The following BRINP1 variants were observed in gnomAD, a reference collection of about 807,000 sequenced individuals.
The protein encoded by BRINP1 is BMP/retinoic acid-inducible neural-specific protein 1.
A neutral mutation model predicts 72.9 loss-of-function variants in BRINP1; 17 were observed. That is an observed-to-expected ratio of 0.23 (90% confidence interval 0.16 to 0.35). The LOEUF (loss-of-function observed/expected upper bound fraction) is 0.35, where lower values mean the gene tolerates loss of function less well. BRINP1 is among the 10% of genes least tolerant of loss of function. The probability of loss-of-function intolerance (pLI) is 1.00; values close to 1 mark genes in which losing one functional copy is unlikely to be tolerated. For synonymous variants in BRINP1, 418 were observed against 378.5 expected, an observed-to-expected ratio of 1.10 and a Z score of -1.21; for missense variants, 850 against 1,001.6, an observed-to-expected ratio of 0.85 and a Z score of 2.04.
intron 2 of BRINP1, among the ~76,000 whole-genome samples, chr9:119,281,029 G>C (rs1487296735): frequency 6.6e-6 from 1 of 152,150 alleles, no homozygotes; most frequent in Non-Finnish European, 1.5e-5. Context: ...CAGAGGTACA[G>C]GAAAGGCAGA....
intron 2 of BRINP1, among the ~76,000 whole-genome samples, chr9:119,286,184 T>C (rs1216608647): frequency 6.6e-6 from 1 of 152,122 alleles, no homozygotes; most frequent in Non-Finnish European, 1.5e-5. Flanking sequence ...CTATGAACAA[T>C]ATATGATCTG....
At chr9:119,185,200 C>A (rs994144635) in intron 7 of BRINP1, among the ~76,000 whole-genome samples, 2 of 152,160 alleles carry the variant, frequency 1.3e-5, no homozygotes, top group African/African-American at 4.8e-5. Flanking sequence ...AGTACCCACA[C>A]TATCTATACC....
At chr9:119,190,421 A>G (rs1470229270) in intron 7 of BRINP1, among the ~76,000 whole-genome samples, 1 of 151,706 alleles carries the variant, frequency 6.6e-6, no homozygotes, top group Non-Finnish European at 1.5e-5. Flanking sequence ...CTAAAAAAAA[A>G]AAAAATAAGG....
intron 2 of BRINP1, among the ~76,000 whole-genome samples, chr9:119,270,598 A>C (rs1830596781): frequency 6.6e-6 from 1 of 152,226 alleles, no homozygotes; most frequent in African/African-American, 2.4e-5. Flanking sequence ...GACTTGAGCA[A>C]CTGGAAATAT....
rs1361935619 is a variant in BRINP1, at chr9:119,190,163, C to T, written c.1145+18556G>A. Among the ~76,000 whole-genome samples, 4 of 151,538 alleles carry T rather than the reference C, an allele frequency of 2.6e-5. No homozygotes were observed. In the South Asian group the frequency reaches 6.2e-4, roughly 24 times the overall value. On this transcript the variant is annotated intron_variant, in intron 7 of 7. Transcript: ENST00000265922. The stretch of plus-strand genomic sequence containing the variant: ...ATGACATATGAAAACCTATAGGATG[C>T]ATCAAAAGAAGTTATCAGAGGGAGG...
At chr9:119,225,666 A>T (rs554205019) in intron 5 of BRINP1, among the ~76,000 whole-genome samples, 3 of 152,168 alleles carry the variant, frequency 2.0e-5, no homozygotes, top group African/African-American at 7.2e-5. Context: ...GACTGCAACC[A>T]GAATAGGCAA....
chr9:119,173,264 G>T (rs1377577757), intron 7 of BRINP1, among the ~76,000 whole-genome samples: 1 of 150,908 alleles, frequency 6.6e-6, no homozygotes, highest in Non-Finnish European at 1.5e-5. Context: ...TCCTTAAGCT[G>T]ATAAGCAACT....
At chr9:119,193,760 A>C (rs1050626696) in intron 7 of BRINP1, among the ~76,000 whole-genome samples, 3 of 152,196 alleles carry the variant, frequency 2.0e-5, no homozygotes, top group African/African-American at 7.2e-5. Context: ...AACCTACTCT[A>C]TGTATCCAGT....
intron 4 of BRINP1, among the ~76,000 whole-genome samples, chr9:119,239,386 A>G (rs189933713): frequency 1.4e-4 from 21 of 152,388 alleles, no homozygotes; most frequent in Non-Finnish European, 2.9e-4. Context: ...AAAATGACCC[A>G]ATCCTGTGGA....
At chr9:119,321,410 G>A (rs970502496) in intron 1 of BRINP1, among the ~76,000 whole-genome samples, 2 of 152,208 alleles carry the variant, frequency 1.3e-5, no homozygotes, top group Non-Finnish European at 2.9e-5. Flanking sequence ...TAGTCCAAAT[G>A]GAGGTGTGCT....
intron 5 of BRINP1, among the ~76,000 whole-genome samples, chr9:119,227,913 G>C (rs1830108613): frequency 6.6e-6 from 1 of 152,054 alleles, no homozygotes; most frequent in Admixed American, 6.6e-5. Flanking sequence ...AAATGGGCTA[G>C]TGGTTATAAG....
chr9:119,209,071 T>C (rs1829890930), intron 6 of BRINP1, 130 bp from the exon 7 acceptor site: 4 of 692,350 alleles, frequency 5.8e-6, no homozygotes, highest in Non-Finnish European at 9.7e-6. Flanking sequence ...TTAAGGGCCA[T>C]AGAACATTGC....
intron 1 of BRINP1, among the ~76,000 whole-genome samples, chr9:119,333,116 T>C (rs995861818): frequency 2.6e-5 from 4 of 151,752 alleles, no homozygotes; most frequent in Non-Finnish European, 4.4e-5. Flanking sequence ...CCCCAAGCTA[T>C]GTGTCTTTAA....
chr9:119,350,697 T>C (rs1831499029), intron 1 of BRINP1, among the ~76,000 whole-genome samples: 1 of 152,026 alleles, frequency 6.6e-6, no homozygotes. Flanking sequence ...CATCAGCACA[T>C]TCAAAACACA....
chr9:119,340,586 T>C (rs964516968), intron 1 of BRINP1, among the ~76,000 whole-genome samples: 7 of 152,178 alleles, frequency 4.6e-5, no homozygotes, highest in South Asian at 2.1e-4. Context: ...CCATTCTATA[T>C]AGGGCTCAGA....
At chr9:119,222,945 T>C (rs1467548293) in intron 5 of BRINP1, among the ~76,000 whole-genome samples, 2 of 152,082 alleles carry the variant, frequency 1.3e-5, no homozygotes, top group African/African-American at 2.4e-5. Flanking sequence ...CAAACCAAAT[T>C]TGGTACCTGT....
chr9:119,267,929 A>C (rs1463666515), intron 2 of BRINP1, among the ~76,000 whole-genome samples: 1 of 152,154 alleles, frequency 6.6e-6, no homozygotes, highest in African/African-American at 2.4e-5. Context: ...GATGAACGAG[A>C]GAGAAATTGA....
chr9:119,283,121 G>T, intron 2 of BRINP1: 1 of 984,488 alleles, frequency 1.0e-6, no homozygotes, highest in Non-Finnish European at 1.2e-6. Context: ...GTGAATCTGC[G>T]TTCTCACCGG....
intron 7 of BRINP1, among the ~76,000 whole-genome samples, chr9:119,201,349 C>T (rs894396578): frequency 3.3e-5 from 5 of 152,214 alleles, no homozygotes; most frequent in African/African-American, 7.2e-5. Flanking sequence ...TGAACTATTA[C>T]TCTCATTCTC....
Sources: allele counts gnomAD v4.1 joint callset (sites outside exome capture counted in the v4.1 genomes callset), GRCh38; gene constraint gnomAD v4.1.1; transcripts MANE v1.5; gene names NCBI Gene and HGNC (gene_info 2026-07-23, HGNC 2026-07-21).